LRRC8B: variants seen among roughly 807,000 people sequenced by gnomAD.
The protein encoded by LRRC8B is leucine rich repeat containing 8 VRAC subunit B, also known as volume-regulated anion channel subunit LRRC8B.
LRRC8B carries 23 observed loss-of-function variants against 58.8 expected under a neutral mutation model. The ratio of observed to expected loss-of-function variants is 0.39; its 90% CI spans 0.28 to 0.55. The LOEUF (loss-of-function observed/expected upper bound fraction) is 0.55. Among genes scored for constraint, LRRC8B ranks in the 20% least tolerant of loss-of-function variants. The pLI is 0.62. For synonymous variants in LRRC8B, 359 were observed against 374.1 expected, an observed-to-expected ratio of 0.96 and a Z score of 0.47; for missense variants, 694 against 936.0, an observed-to-expected ratio of 0.74 and a Z score of 3.37.
At chr1:89,557,751 A>G (rs965920606) in intron 1 of LRRC8B, among the ~76,000 whole-genome samples, 6 of 152,200 alleles carry the variant, frequency 3.9e-5, no homozygotes, top group Non-Finnish European at 7.3e-5. Flanking sequence ...ATTTTTATTT[A>G]TATGTTTTTC....
intron 1 of LRRC8B, among the ~76,000 whole-genome samples, chr1:89,562,967 T>C (rs1031307954): frequency 6.6e-6 from 1 of 152,158 alleles, no homozygotes; most frequent in Non-Finnish European, 1.5e-5. Flanking sequence ...AAATTGATAA[T>C]TAAATATTTA....
rs1216820514 is a variant in LRRC8B at position 89,595,797 on chromosome 1, A to G, written c.*2754A>G. 6.6e-6 allele frequency: 1 copy of G among 152,158 alleles called. No homozygotes were observed. Among genetic ancestry groups the G allele is most frequent in the Admixed American group, 6.5e-5 (1 of 15,278 alleles). The allele number at this position is 152,158 out of a possible 1,614,324, so 9.4% of individuals were successfully genotyped here. A position where few individuals can be genotyped will look rare whatever the true frequency, so the allele number is the denominator to read the frequency against. ...TACTGTACTGTTGGAGCAGATCTTT[A>G]TTTTACAAGTGTTCATATTCACATA... is the stretch of plus-strand genomic sequence containing the variant. On this transcript the variant is annotated 3_prime_UTR_variant, in exon 6 of 6. Transcript: ENST00000330947.
intron 1 of LRRC8B, among the ~76,000 whole-genome samples, chr1:89,565,031 A>C (rs746704467): frequency 1.6e-4 from 25 of 152,196 alleles, no homozygotes; most frequent in Admixed American, 1.6e-3. Flanking sequence ...TATGAGACTA[A>C]AGCTATCTAA....
At chr1:89,560,864 TA>T (rs1652592949) in intron 1 of LRRC8B, among the ~76,000 whole-genome samples, 1 of 152,152 alleles carries the variant, frequency 6.6e-6, no homozygotes, top group Admixed American at 6.5e-5. Context: ...CATGTGTCTT[TA>T]TAGCAGCATG....
At chr1:89,526,577 G>A (rs1353774528) in intron 1 of LRRC8B, among the ~76,000 whole-genome samples, 1 of 152,182 alleles carries the variant, frequency 6.6e-6, no homozygotes, top group Non-Finnish European at 1.5e-5. Context: ...GCTCTACTCA[G>A]AGAATATAAA....
chr1:89,532,981 T>C (rs1160309359), intron 1 of LRRC8B, among the ~76,000 whole-genome samples: 1 of 152,214 alleles, frequency 6.6e-6, no homozygotes, highest in Non-Finnish European at 1.5e-5. Context: ...TCTTAAAGGA[T>C]TGGTAACCAA....
rs768397591 is a variant in LRRC8B, at chr1:89,540,936, C to CTA, written c.-241+15917_-241+15918dup. On this transcript the variant is annotated intron_variant, in intron 1 of 5. Transcript: ENST00000330947. ...GATTACTGACATTTTACTAGTTTTACTATAGCTTCTAACTTTTTCAGAGAA... is the reference window on the plus strand; with the variant it reads ...GATTACTGACATTTTACTAGTTTTACTATATAGCTTCTAACTTTTTCAGAGAA... 1.1e-4 allele frequency among the ~76,000 whole-genome samples: 16 copies of CTA among 152,290 alleles called. No individual in the cohort carries two copies. The South Asian group carries it at 3.3e-3, about 32-fold the overall frequency.
chr1:89,592,717 A>C, intron 5 of LRRC8B, 54 bp from the exon 6 acceptor site: 1 of 1,439,068 alleles, frequency 6.9e-7, no homozygotes, highest in Non-Finnish European at 9.5e-7. Flanking sequence ...TAAATGTCTT[A>C]TCATAAGCCA....
intron 1 of LRRC8B, among the ~76,000 whole-genome samples, chr1:89,538,544 CT>C (rs1244888333): frequency 6.6e-6 from 1 of 152,148 alleles, no homozygotes; most frequent in Non-Finnish European, 1.5e-5. Flanking sequence ...TAGGGAAATA[CT>C]CATTGTAGTA....
chr1:89,555,807 C>G (rs984314945), intron 1 of LRRC8B, among the ~76,000 whole-genome samples: 5 of 152,170 alleles, frequency 3.3e-5, no homozygotes, highest in Non-Finnish European at 7.4e-5. Context: ...TTGCATCAGC[C>G]AGTTGGAATA....
intron 1 of LRRC8B, among the ~76,000 whole-genome samples, chr1:89,539,003 T>C (rs1366053822): frequency 1.3e-5 from 2 of 152,190 alleles, no homozygotes; most frequent in Non-Finnish European, 2.9e-5. Context: ...ATTACAGGTG[T>C]GAGCCACCGC....
chr1:89,529,934 A>G (rs554648618), intron 1 of LRRC8B, among the ~76,000 whole-genome samples: 1 of 152,246 alleles, frequency 6.6e-6, no homozygotes, highest in African/African-American at 2.4e-5. Flanking sequence ...GGATGCAATG[A>G]TGATGAGCAA....
intron 1 of LRRC8B, among the ~76,000 whole-genome samples, chr1:89,551,156 C>G (rs1259540037): frequency 1.3e-5 from 2 of 152,042 alleles, no homozygotes; most frequent in African/African-American, 4.8e-5. Context: ...AGATTTTTTT[C>G]CTGCTCCAGC....
At chr1:89,590,294 A>G (rs1484717957) in intron 5 of LRRC8B, among the ~76,000 whole-genome samples, 1 of 152,232 alleles carries the variant, frequency 6.6e-6, no homozygotes, top group Admixed American at 6.5e-5. Context: ...AAGGCAAACT[A>G]TTTTTAAAGC....
At chr1:89,546,297 A>G (rs932606018) in intron 1 of LRRC8B, among the ~76,000 whole-genome samples, 2 of 152,100 alleles carry the variant, frequency 1.3e-5, no homozygotes, top group African/African-American at 4.8e-5. Context: ...TGTGAGCCCA[A>G]AGTGGAGTTG....
chr1:89,582,061 G>A (rs1035234834), intron 4 of LRRC8B, among the ~76,000 whole-genome samples: 1 of 152,076 alleles, frequency 6.6e-6, no homozygotes, highest in Non-Finnish European at 1.5e-5. Flanking sequence ...GTGGAAAGGA[G>A]CTTACTCAGA....
Position 89,578,741 on chromosome 1 carries a change from C to CT in LRRC8B, c.-124-841dup, listed in dbSNP as rs5776022. Reference sequence around the variant, plus strand: ...GTATAATACAAAATCTCCCTAGAAACTTTTTTTTTGAGGTTTCATAGGCAC... The same window carrying CT: ...GTATAATACAAAATCTCCCTAGAAACTTTTTTTTTTGAGGTTTCATAGGCAC... On this transcript the variant is annotated intron_variant, in intron 3 of 5. Coordinates refer to ENST00000330947, the MANE Select transcript of LRRC8B (RefSeq NM_001369817.2). 3.3e-5 allele frequency among the ~76,000 whole-genome samples: 5 copies of CT among 151,540 alleles called. No homozygotes were observed. The South Asian group carries it at 1.0e-3, about 32-fold the overall frequency.
intron 1 of LRRC8B, among the ~76,000 whole-genome samples, chr1:89,535,090 G>T (rs1049180178): frequency 6.6e-6 from 1 of 152,026 alleles, no homozygotes; most frequent in Non-Finnish European, 1.5e-5. Context: ...ATTTGAAAAG[G>T]GGAAAAAGAA....
intron 1 of LRRC8B, among the ~76,000 whole-genome samples, chr1:89,541,493 C>T (rs1226863641): frequency 5.3e-5 from 8 of 151,552 alleles, no homozygotes; most frequent in African/African-American, 1.7e-4. Context: ...GGGCGGATCA[C>T]GAGGTCAGGA....
Sources: gnomAD v4.1 joint callset for allele counts (sites outside exome capture counted in the v4.1 genomes callset) on GRCh38, gnomAD v4.1.1 for gene constraint, MANE v1.5 for transcripts, NCBI Gene and HGNC (gene_info 2026-07-23, HGNC 2026-07-21) for gene names.